LIMS1: variants seen among roughly 807,000 people sequenced by gnomAD.
LIMS1 encodes the protein LIM zinc finger domain containing 1.
In LIMS1, 18 loss-of-function variants were observed where a neutral mutation model predicts 44.1. The ratio of observed to expected loss-of-function variants is 0.41; its 90% CI spans 0.28 to 0.61. The LOEUF (loss-of-function observed/expected upper bound fraction) is 0.61. Among genes scored for constraint, LIMS1 ranks in the 20% least tolerant of loss-of-function variants. The pLI is 0.32. For synonymous variants in LIMS1, 93 were observed against 149.1 expected (o/e 0.62, Z 2.74); for missense variants, 201 against 422.0 (o/e 0.48, Z 4.59).
intron 1 of LIMS1, among the ~76,000 whole-genome samples, chr2:108,594,612 AG>A (rs1249424345): frequency 6.6e-6 from 1 of 152,210 alleles, no homozygotes; most frequent in Non-Finnish European, 1.5e-5. Flanking sequence ...GCTATCCTGT[AG>A]AAATACAATG....
At position 108,534,455 on chromosome 2, in the gene LIMS1, T is replaced by G. The variant is rs912291121; in HGVS notation, c.-108T>G. ...CGGCCCCTGGCCTTCCTCCCCTTCC[T>G]GCTCCGGGCCCGCCAGTAGCCGGCC... On this transcript the variant is annotated 5_prime_UTR_variant, in exon 1 of 10. Coordinates refer to ENST00000544547, the Ensembl canonical transcript of LIMS1. 1 of 910,484 alleles carries G rather than the reference T, an allele frequency of 1.1e-6. No homozygotes were observed. The highest frequency in any genetic ancestry group is 1.4e-6 in the Non-Finnish European group (1 of 721,012). 56.4% of individuals were successfully genotyped at this position (910,484 alleles called of 1,614,324 possible).
chr2:108,572,236 T>G (rs1021048361), intron 1 of LIMS1, among the ~76,000 whole-genome samples: 8 of 152,136 alleles, frequency 5.3e-5, no homozygotes, highest in African/African-American at 1.9e-4. Context: ...TAAACTTCCC[T>G]TCACTGAAAT....
chr2:108,686,887 T>C (rs1693341545), exon 10 of LIMS1: 1 of 152,174 alleles, frequency 6.6e-6, no homozygotes, highest in Non-Finnish European at 1.5e-5. Context: ...AAGCATCTCT[T>C]TGTTTAAAGT....
chr2:108,638,676 G>A lies in LIMS1; in HGVS notation c.33-20929G>A, dbSNP rs1421933050. Among the ~76,000 whole-genome samples, 3 of 152,086 alleles carry A rather than the reference G, an allele frequency of 2.0e-5. No individual in the cohort carries two copies. The East Asian group carries it at 5.8e-4, about 29-fold the overall frequency. ...GCACGAGAATCACTTGAACCCAGGA[G>A]ATCGAGGTTGCGGTGAGTCAAAATT... On this transcript the variant is annotated intron_variant, in intron 1 of 9. Transcript: ENST00000544547.
chr2:108,558,764 G>A (rs1204812422), intron 1 of LIMS1, among the ~76,000 whole-genome samples: 3 of 150,922 alleles, frequency 2.0e-5, no homozygotes, highest in African/African-American at 7.3e-5. Context: ...TCCGCCTCCT[G>A]GGTTCAAGCA....
At chr2:108,564,936 A>G (rs193212607) in intron 1 of LIMS1, among the ~76,000 whole-genome samples, 196 of 152,054 alleles carry the variant, frequency 1.3e-3, no homozygotes, top group Non-Finnish European at 2.3e-3. Flanking sequence ...GGTTACAGGG[A>G]AGGAAAGGGC....
chr2:108,671,211 A>G (rs1229107357), intron 3 of LIMS1, among the ~76,000 whole-genome samples: 7 of 151,996 alleles, frequency 4.6e-5, no homozygotes, highest in Non-Finnish European at 7.4e-5. Context: ...CAGTCATTTC[A>G]CACTGGTGAA....
chr2:108,629,238 C>T (rs956451878), intron 1 of LIMS1, among the ~76,000 whole-genome samples: 2 of 152,292 alleles, frequency 1.3e-5, no homozygotes, highest in Admixed American at 6.5e-5. Context: ...TCACAACTTA[C>T]ATGTTGGCTT....
chr2:108,580,350 A>G (rs1253206159), intron 1 of LIMS1, among the ~76,000 whole-genome samples: 1 of 152,194 alleles, frequency 6.6e-6, no homozygotes, highest in African/African-American at 2.4e-5. Context: ...AGGACCAGTC[A>G]TTGTGGCCAG....
At chr2:108,608,318 T>G (rs1687389183) in intron 1 of LIMS1, among the ~76,000 whole-genome samples, 1 of 151,878 alleles carries the variant, frequency 6.6e-6, no homozygotes, top group Admixed American at 6.6e-5. Flanking sequence ...TTTTTTTTTT[T>G]TTTTTGAGAC....
At chr2:108,574,735 C>G (rs895831506) in intron 1 of LIMS1, among the ~76,000 whole-genome samples, 1 of 152,174 alleles carries the variant, frequency 6.6e-6, no homozygotes, top group Non-Finnish European at 1.5e-5. Context: ...TCATCATTCC[C>G]GGTAAACCAG....
At chr2:108,679,132 C>G (rs1309916028) in intron 8 of LIMS1, among the ~76,000 whole-genome samples, 2 of 151,936 alleles carry the variant, frequency 1.3e-5, no homozygotes, top group Non-Finnish European at 2.9e-5. Context: ...TGACTATTTA[C>G]ATATCATTTA....
rs540050508 is a variant in LIMS1, at chr2:108,579,411, G to T, written c.32+44817G>T. Among the ~76,000 whole-genome samples the T allele has an allele frequency of 2.4e-3, 362 of 152,134 alleles. 2 individuals carry two copies. The highest frequency in any genetic ancestry group is 2.3e-3 in the East Asian group (12 of 5,176). On this transcript the variant is annotated intron_variant, in intron 1 of 9. Transcript: ENST00000544547. ...AACTTATTACTAGTCTGTATCTATGGTTTTCAGTGATGTTAAATGTGTTTT... is the reference window on the plus strand; with the variant it reads ...AACTTATTACTAGTCTGTATCTATGTTTTTCAGTGATGTTAAATGTGTTTT...
At chr2:108,585,102 G>A (rs1686041902) in intron 1 of LIMS1, among the ~76,000 whole-genome samples, 1 of 133,106 alleles carries the variant, frequency 7.5e-6, no homozygotes, top group Non-Finnish European at 1.5e-5. Context: ...AACGAGCTGA[G>A]ATCACTCCAT....
At chr2:108,551,929 ATGTG>A (rs1213737564) in intron 1 of LIMS1, among the ~76,000 whole-genome samples, 1,871 of 135,698 alleles carry the variant, frequency 0.014, 10 homozygotes, top group Non-Finnish European at 0.02. Flanking sequence ...ATGTGTATAT[ATGTG>A]TGTGTGTGTG....
At chr2:108,595,779 C>A (rs1483913263) in intron 1 of LIMS1, among the ~76,000 whole-genome samples, 1 of 152,100 alleles carries the variant, frequency 6.6e-6, no homozygotes, top group Admixed American at 6.5e-5. Flanking sequence ...TCTTTTAGGG[C>A]CCTCATTTTG....
chr2:108,600,114 A>G (rs1300876881), intron 1 of LIMS1, among the ~76,000 whole-genome samples: 11 of 150,732 alleles, frequency 7.3e-5, no homozygotes, highest in Admixed American at 1.3e-4. Flanking sequence ...CTGTGACGCA[A>G]TCTCTGCTCA....
At chr2:108,582,511 G>A (rs1685926145) in intron 1 of LIMS1, among the ~76,000 whole-genome samples, 1 of 152,210 alleles carries the variant, frequency 6.6e-6, no homozygotes, top group South Asian at 2.1e-4. Context: ...GCTCACACAT[G>A]TAATCCCAGC....
intron 1 of LIMS1, among the ~76,000 whole-genome samples, chr2:108,644,072 G>A (rs116327378): frequency 0.033 from 5,037 of 152,246 alleles, 291 homozygotes; most frequent in African/African-American, 0.12. Context: ...TTAGGGGAAG[G>A]GGTGGTTGTG....
Sources: gnomAD v4.1 joint callset for allele counts (sites outside exome capture counted in the v4.1 genomes callset) on GRCh38, gnomAD v4.1.1 for gene constraint, MANE v1.5 for transcripts, NCBI Gene and HGNC (gene_info 2026-07-23, HGNC 2026-07-21) for gene names.